Variants in CES1 observed in about 807,000 individuals in gnomAD.
The protein encoded by CES1 is carboxylesterase 1.
A neutral mutation model predicts 53.0 loss-of-function variants in CES1; 50 were observed. The ratio of observed to expected loss-of-function variants is 0.94; its 90% CI spans 0.75 to 1.19. CES1 has a LOEUF of 1.19. Among genes scored for constraint, CES1 ranks in the 50% most tolerant of loss-of-function variants. The pLI is 0.00. For synonymous variants in CES1, 202 were observed against 210.1 expected (o/e 0.96, Z 0.33); for missense variants, 534 against 538.0 (o/e 0.99, Z 0.07).
chr16:55,811,088 C>T, intron 9 of CES1, 78 bp from the exon 10 acceptor site: 4 of 1,197,076 alleles, frequency 3.3e-6, no homozygotes, highest in African/African-American at 1.5e-5. Flanking sequence ...ACCAACCAAA[C>T]CAATGCAGTC....
chr16:55,813,496 A>G (rs1395167914), intron 8 of CES1, among the ~76,000 whole-genome samples: 1 of 152,012 alleles, frequency 6.6e-6, no homozygotes, highest in East Asian at 1.9e-4. Context: ...CATTTTCATC[A>G]ACCTTCTTTT....
At chr16:55,817,790 A>C (rs1156579402) in intron 7 of CES1, among the ~76,000 whole-genome samples, 1 of 151,728 alleles carries the variant, frequency 6.6e-6, no homozygotes, top group Non-Finnish European at 1.5e-5. Context: ...GTGTGTCTGC[A>C]TGTGTGTGTA....
intron 3 of CES1, 73 bp from the exon 4 acceptor site, chr16:55,823,756 G>A: frequency 6.2e-7 from 1 of 1,608,388 alleles, no homozygotes; most frequent in Non-Finnish European, 8.5e-7. Flanking sequence ...GTCTTGTTTG[G>A]TGACCTACCT....
At position 55,830,880 on chromosome 16, in the gene CES1, A is replaced by G. The variant is rs371662803; in HGVS notation, c.53-1906T>C. On this transcript the variant is annotated intron_variant, in intron 1 of 13. Coordinates refer to ENST00000360526, the MANE Select transcript of CES1 (RefSeq NM_001025195.2). ...AGTGAGGGAGGGAGGGAAAGAAAAGAAAGGAAAAGAAAAGACTTGGTCCCT... is the reference window on the plus strand; with the variant it reads ...AGTGAGGGAGGGAGGGAAAGAAAAGGAAGGAAAAGAAAAGACTTGGTCCCT... Among the ~76,000 whole-genome samples, 116 of 151,842 alleles carry G rather than the reference A, an allele frequency of 7.6e-4. 1 individual carries two copies. The highest frequency in any genetic ancestry group is 1.4e-3 in the Non-Finnish European group (92 of 67,974).
intron 7 of CES1, among the ~76,000 whole-genome samples, chr16:55,818,901 G>C (rs1167075902): frequency 2.0e-4 from 31 of 152,166 alleles, no homozygotes; most frequent in Admixed American, 3.9e-4. Flanking sequence ...GAGATATAAG[G>C]TGGCTGGATG....
chr16:55,829,501 G>T (rs1291432596), intron 1 of CES1, among the ~76,000 whole-genome samples: 1 of 152,254 alleles, frequency 6.6e-6, no homozygotes, highest in African/African-American at 2.4e-5. Flanking sequence ...GGAGGAGCTG[G>T]GACTTGCGGC....
Position 55,811,026 on chromosome 16 carries a change from A to AAAG in CES1, c.1087-17_1087-16insCTT, listed in dbSNP as rs2031674207. ...TCATCAACTGCTAAAAAAAAAAAAA[A>AAAG]GTTCAGCATTTATGAATCATTGGGA... On this transcript the variant is annotated splice_polypyrimidine_tract_variant and intron_variant, in intron 9 of 13. Transcript: ENST00000360526. 1 of 1,556,824 alleles carries AAAG rather than the reference A, an allele frequency of 6.4e-7. No individual in the cohort carries two copies. Among genetic ancestry groups the AAAG allele is most frequent in the Non-Finnish European group, 8.9e-7 (1 of 1,128,060 alleles).
At chr16:55,816,289 G>C (rs1386652039) in intron 8 of CES1, among the ~76,000 whole-genome samples, 1 of 152,230 alleles carries the variant, frequency 6.6e-6, no homozygotes, top group Non-Finnish European at 1.5e-5. Flanking sequence ...TCCTAAACAA[G>C]TCCTGGCACA....
At chr16:55,820,567 A>G (rs2032135263) in intron 5 of CES1, 88 bp from the exon 6 acceptor site, 6 of 1,604,244 alleles carry the variant, frequency 3.7e-6, no homozygotes, top group Non-Finnish European at 5.1e-6. Context: ...CTACTCCACT[A>G]TAAAACCAAC....
At chr16:55,831,631 A>G (rs2032678264) in intron 1 of CES1, among the ~76,000 whole-genome samples, 1 of 150,200 alleles carries the variant, frequency 6.7e-6, no homozygotes, top group East Asian at 1.9e-4. Flanking sequence ...GGTCTTCCTA[A>G]GGAAGGAAAT....
chr16:55,815,512 T>A (rs3859094), intron 8 of CES1, among the ~76,000 whole-genome samples: 8,953 of 152,194 alleles, frequency 0.059, 309 homozygotes, highest in Middle Eastern at 0.13. Flanking sequence ...GTTCTCCACT[T>A]AGAGTTTGCA....
intron 9 of CES1, among the ~76,000 whole-genome samples, chr16:55,812,127 T>C (rs571774709): frequency 1.3e-5 from 2 of 152,358 alleles, no homozygotes; most frequent in African/African-American, 4.8e-5. Flanking sequence ...ATTGCAATCA[T>C]ATTACTGAAT....
Position 55,811,541 on chromosome 16 carries a change from C to T in CES1, c.1087-531G>A, listed in dbSNP as rs151069757. ...CATAACAACTCTTCCCAAACCTCTG[C>T]ACTCAGGGACTCGACCAATCTCTAG... On this transcript the variant is annotated intron_variant, in intron 9 of 13. Transcript: ENST00000360526. Among the ~76,000 whole-genome samples the T allele has an allele frequency of 1.6e-3, 243 of 152,312 alleles. 2 individuals are homozygous for T. In the South Asian group the frequency reaches 0.047, roughly 29 times the overall value.
Position 55,816,977 on chromosome 16 carries a change from G to A in CES1, c.907-15C>T. On this transcript the variant is annotated splice_polypyrimidine_tract_variant and intron_variant, in intron 7 of 13. Coordinates refer to ENST00000360526, the MANE Select transcript of CES1 (RefSeq NM_001025195.2). ...GATAAGAATTTCTGTGAAGACAAAG[G>A]CAGAGGATGTGGGTGAGAGGCTTAC... 5.6e-6 allele frequency: 9 copies of A among 1,614,134 alleles called. No individual in the cohort carries two copies. The highest frequency in any genetic ancestry group is 1.6e-4 in the Middle Eastern group (1 of 6,062).
chr16:55,809,032 A>G (rs1164282694), intron 11 of CES1, among the ~76,000 whole-genome samples: 4 of 147,534 alleles, frequency 2.7e-5, no homozygotes, highest in African/African-American at 1.0e-4. Flanking sequence ...CAGAAATGTT[A>G]TTTTATCAAA....
Position 55,812,887 on chromosome 16 carries a change from A to G in CES1, c.1086+16T>C. 6.2e-7 allele frequency: 1 copy of G among 1,613,858 alleles called. No homozygotes were observed. Among genetic ancestry groups the G allele is most frequent in the Non-Finnish European group, 8.5e-7 (1 of 1,180,006 alleles). Reference sequence around the variant, plus strand: ...GGGGGTGGTTGAGTCCCTCCAACAGACATGTGCCTTCTCACCATTGGAATC... The same window carrying G: ...GGGGGTGGTTGAGTCCCTCCAACAGGCATGTGCCTTCTCACCATTGGAATC... On this transcript the variant is annotated intron_variant, in intron 9 of 13. Coordinates refer to ENST00000360526, the MANE Select transcript of CES1 (RefSeq NM_001025195.2).
rs188316945 is a variant in CES1 at position 55,829,653 on chromosome 16, G to C, written c.53-679C>G. On this transcript the variant is annotated intron_variant, in intron 1 of 13. Transcript: ENST00000360526. ...GCCCACATGCACCAGGTGGAGTCTG[G>C]GGGGAGTGGAAAATATTCCTGGAAT... Among the ~76,000 whole-genome samples the C allele has an allele frequency of 7.8e-3, 1,184 of 152,316 alleles. 49 individuals carry two copies. Among genetic ancestry groups the C allele is most frequent in the Admixed American group, 0.057 (872 of 15,296 alleles).
intron 4 of CES1, among the ~76,000 whole-genome samples, chr16:55,822,286 A>G (rs1274461191): frequency 6.6e-6 from 1 of 152,248 alleles, no homozygotes; most frequent in Non-Finnish European, 1.5e-5. Flanking sequence ...AGTGGCAGGG[A>G]TCTGAAAGTG....
intron 7 of CES1, among the ~76,000 whole-genome samples, chr16:55,817,525 T>C (rs1289335369): frequency 1.3e-5 from 2 of 152,212 alleles, no homozygotes; most frequent in African/African-American, 4.8e-5. Flanking sequence ...ATGCTTCTCT[T>C]TGGTGTGTGT....
Sources: gnomAD v4.1 joint callset for allele counts (sites outside exome capture counted in the v4.1 genomes callset) on GRCh38, gnomAD v4.1.1 for gene constraint, MANE v1.5 for transcripts, NCBI Gene and HGNC (gene_info 2026-07-23, HGNC 2026-07-21) for gene names.